USP49: variants seen among roughly 807,000 people sequenced by gnomAD.
USP49 encodes ubiquitin carboxyl-terminal hydrolase 49.
A neutral mutation model predicts 58.6 loss-of-function variants in USP49; 24 were observed. The ratio of observed to expected loss-of-function variants is 0.41; its 90% CI spans 0.30 to 0.58. The LOEUF (loss-of-function observed/expected upper bound fraction) is 0.58, where lower values mean the gene tolerates loss of function less well. Ranked by LOEUF, USP49 falls within the 20% of genes least tolerant of loss-of-function variation. USP49 has a pLI of 0.30. For synonymous variants in USP49, 408 were observed against 365.1 expected (o/e 1.12, Z -1.34); for missense variants, 703 against 866.1 (o/e 0.81, Z 2.36).
chr6:41,794,470 TA>T lies in USP49; in HGVS notation c.*2062del, dbSNP rs1772852730. 6.6e-6 allele frequency: 1 copy of T among 152,236 alleles called. No homozygotes were observed. The highest frequency in any genetic ancestry group is 1.5e-5 in the Non-Finnish European group (1 of 68,034). The allele number at this position is 152,236 out of a possible 1,614,324, so 9.4% of individuals were successfully genotyped here. A position where few individuals can be genotyped will look rare whatever the true frequency, so the allele number is the denominator to read the frequency against. The stretch of plus-strand genomic sequence containing the variant: ...CTCTATCTTGTAAGTTCTTTTTTTC[TA>T]GAATAATAAATATAGGATTCAATGA... On this transcript the variant is annotated 3_prime_UTR_variant, in exon 8 of 8. Coordinates refer to ENST00000682992, the MANE Select transcript of USP49 (RefSeq NM_001286554.2).
At chr6:41,797,555 G>C (rs997342793) in intron 7 of USP49, 2 of 903,810 alleles carry the variant, frequency 2.2e-6, no homozygotes, top group Non-Finnish European at 2.6e-6. Context: ...CCACTCTGGA[G>C]GATGAGGACC....
intron 6 of USP49, among the ~76,000 whole-genome samples, 177 bp from the exon 7 acceptor site, chr6:41,799,106 A>T (rs1772947849): frequency 6.6e-6 from 1 of 151,180 alleles, no homozygotes; most frequent in Admixed American, 6.6e-5. Flanking sequence ...TTATTTATTT[A>T]TTTATTTATT....
intron 3 of USP49, among the ~76,000 whole-genome samples, chr6:41,852,879 T>G (rs1774054872): frequency 6.6e-6 from 1 of 152,196 alleles, no homozygotes; most frequent in Non-Finnish European, 1.5e-5. Flanking sequence ...AGATGGAATA[T>G]TATTCAGCCT....
chr6:41,802,289 TG>T (rs1184104479), intron 5 of USP49, among the ~76,000 whole-genome samples: 4 of 151,936 alleles, frequency 2.6e-5, no homozygotes, highest in Non-Finnish European at 5.9e-5. Context: ...CCCAAAGTGT[TG>T]GGATTACAGG....
At chr6:41,873,210 G>T (rs981661973) in intron 2 of USP49, among the ~76,000 whole-genome samples, 4 of 152,186 alleles carry the variant, frequency 2.6e-5, no homozygotes, top group African/African-American at 9.7e-5. Context: ...AACACTTTCA[G>T]AACAGGAATG....
intron 3 of USP49, among the ~76,000 whole-genome samples, chr6:41,820,744 A>T (rs934120519): frequency 2.0e-5 from 3 of 152,200 alleles, no homozygotes; most frequent in Non-Finnish European, 4.4e-5. Context: ...TCACACCTGT[A>T]ATCACAGCAC....
rs1393527620 is a variant in USP49 at position 41,806,292 on chromosome 6, G to T, written c.692C>A (p.Thr231Asn). The stretch of plus-strand genomic sequence containing the variant: ...TGTGGCGGCGGGCACTCTGCGTGAG[G>T]TAGGGAGGGCGGCGGGGCGCGAGGC... The part of the protein sequence containing the change: ...PAASRPAALP[T>N]SRRVPAATLK... Residue 231 changes from threonine to asparagine, a missense_variant, in exon 4 of 8, where the codon ACC (threonine) becomes AAC (asparagine). Transcript: ENST00000682992. The surrounding 1 kb of genome is among the most constrained non-coding windows in gnomAD (Gnocchi z 5.9). The T allele has an allele frequency of 6.3e-7, 1 of 1,597,536 alleles. No homozygotes were observed. The highest frequency in any genetic ancestry group is 1.7e-4 in the Middle Eastern group (1 of 6,044).
chr6:41,806,264 G>A lies in USP49; in HGVS notation c.720C>T (p.Leu240=), dbSNP rs1773121430. 4 of 1,606,100 alleles carry A rather than the reference G, an allele frequency of 2.5e-6. No individual in the cohort carries two copies. The highest frequency in any genetic ancestry group is 1.1e-5 in the South Asian group (1 of 91,016). ...CCATGGCCGGCTGGCGACGCAGCTT[G>A]AGTGTGGCGGCGGGCACTCTGCGTG... ...PTSRRVPAAT[L]KLRRQPAMAP... is the part of the protein sequence containing the mutation. Residue 240 remains leucine (L), a synonymous_variant, in exon 4 of 8, where the codon CTC becomes CTT. Transcript: ENST00000682992. This position sits in a 1 kb window ranked among gnomAD's most constrained non-coding sequence, Gnocchi z 5.9.
At chr6:41,836,828 A>G (rs1044048214) in intron 3 of USP49, among the ~76,000 whole-genome samples, 3 of 151,690 alleles carry the variant, frequency 2.0e-5, no homozygotes, top group African/African-American at 7.3e-5. Context: ...AATGAAGAGT[A>G]TGATCTCATT....
chr6:41,821,783 A>G (rs1449785189), intron 3 of USP49, among the ~76,000 whole-genome samples: 3 of 152,176 alleles, frequency 2.0e-5, no homozygotes, highest in East Asian at 1.9e-4. Flanking sequence ...ATGGACTCCA[A>G]TTATCCAGAC....
chr6:41,802,482 T>A (rs1179332464), intron 5 of USP49, among the ~76,000 whole-genome samples: 1 of 128,228 alleles, frequency 7.8e-6, no homozygotes, highest in Non-Finnish European at 1.6e-5. Context: ...TTTATTTATT[T>A]TTTTTTTTTG....
At chr6:41,873,330 C>T (rs1561924531) in intron 2 of USP49, among the ~76,000 whole-genome samples, 1 of 152,180 alleles carries the variant, frequency 6.6e-6, no homozygotes, top group Non-Finnish European at 1.5e-5. Flanking sequence ...TGAATAGGGC[C>T]TTTCTGAAAA....
intron 3 of USP49, among the ~76,000 whole-genome samples, chr6:41,866,131 AG>A (rs1465169580): frequency 6.6e-6 from 1 of 151,770 alleles, no homozygotes; most frequent in Non-Finnish European, 1.5e-5. Flanking sequence ...CGTGTTAGCC[AG>A]GATGGTCTCG....
At chr6:41,824,896 T>C (rs1773512874) in intron 3 of USP49, among the ~76,000 whole-genome samples, 1 of 152,176 alleles carries the variant, frequency 6.6e-6, no homozygotes, top group African/African-American at 2.4e-5. Context: ...AAATAAGGCA[T>C]AGAAGGCATT....
At position 41,796,372 on chromosome 6, in the gene USP49, C is replaced by A; in HGVS notation, c.*161G>T. On this transcript the variant is annotated 3_prime_UTR_variant, in exon 8 of 8. Coordinates refer to ENST00000682992, the MANE Select transcript of USP49 (RefSeq NM_001286554.2). ...CCCAAACTCATTCAAAAGAAAGAGACTATAAAATTTACGACAGGACACGAA... is the reference window on the plus strand; with the variant it reads ...CCCAAACTCATTCAAAAGAAAGAGAATATAAAATTTACGACAGGACACGAA... 1 of 534,878 alleles carries A rather than the reference C, an allele frequency of 1.9e-6. No individual in the cohort carries two copies. The highest frequency in any genetic ancestry group is 3.1e-5 in the South Asian group (1 of 32,274). The allele number at this position is 534,878 out of a possible 1,614,324, so 33.1% of individuals were successfully genotyped here.
chr6:41,885,824 T>G (rs1435136455), intron 2 of USP49, among the ~76,000 whole-genome samples: 1 of 152,088 alleles, frequency 6.6e-6, no homozygotes, highest in African/African-American at 2.4e-5. Context: ...GTCTCCCACC[T>G]TGGCCTCCCA....
chr6:41,871,271 A>G (rs373358214), intron 3 of USP49, among the ~76,000 whole-genome samples: 5 of 152,248 alleles, frequency 3.3e-5, no homozygotes, highest in Middle Eastern at 3.4e-3. Context: ...TACGATCTCT[A>G]TCTTACCACC....
intron 3 of USP49, among the ~76,000 whole-genome samples, chr6:41,824,624 T>C (rs1003725155): frequency 6.6e-6 from 1 of 152,080 alleles, no homozygotes; most frequent in Non-Finnish European, 1.5e-5. Flanking sequence ...GAGAATCGCT[T>C]GAACCTGGGA....
At position 41,791,301 on chromosome 6, in the gene USP49, T is replaced by C. The variant is rs1316310757; in HGVS notation, c.*5232A>G. ...AAATTTTTATACATTTTTGAAAAGA[T>C]TTCAAATCTATGTTTCCCAGGCTGG... On this transcript the variant is annotated 3_prime_UTR_variant, in exon 8 of 8. Coordinates refer to ENST00000682992, the MANE Select transcript of USP49 (RefSeq NM_001286554.2). 6.6e-6 allele frequency: 1 copy of C among 152,220 alleles called. No homozygotes were observed. Among genetic ancestry groups the C allele is most frequent in the African/African-American group, 2.4e-5 (1 of 41,448 alleles). The allele number at this position is 152,220 out of a possible 1,614,324, so 9.4% of individuals were successfully genotyped here.
Sources: gnomAD v4.1 joint callset for allele counts (sites outside exome capture counted in the v4.1 genomes callset) on GRCh38, gnomAD v4.1.1 for gene constraint, Gnocchi (gnomAD v3.1) non-coding constraint, MANE v1.5 for transcripts, NCBI Gene and HGNC (gene_info 2026-07-23, HGNC 2026-07-21) for gene names.